The following KLHL29 variants were observed in gnomAD, a reference collection of about 807,000 sequenced individuals.
KLHL29 encodes kelch like family member 29.
KLHL29 carries 21 observed loss-of-function variants against 80.4 expected under a neutral mutation model. The observed-to-expected ratio is 0.26, with a 90% CI of 0.19 to 0.38. The LOEUF is 0.38. Ranked by LOEUF, KLHL29 falls within the 10% of genes least tolerant of loss-of-function variation. KLHL29 has a pLI of 1.00. For synonymous variants in KLHL29, 511 were observed against 526.8 expected (o/e 0.97, Z 0.41); for missense variants, 867 against 1,223.9 (o/e 0.71, Z 4.35).
At chr2:23,394,535 A>T (rs1666401592) in intron 1 of KLHL29, among the ~76,000 whole-genome samples, 1 of 152,218 alleles carries the variant, frequency 6.6e-6, no homozygotes, top group Non-Finnish European at 1.5e-5. Context: ...TGGGTGCCGG[A>T]TGGGTTACAG....
chr2:23,704,642 C>G (rs185506588), intron 13 of KLHL29, among the ~76,000 whole-genome samples: 25 of 152,316 alleles, frequency 1.6e-4, no homozygotes, highest in African/African-American at 5.8e-4. Context: ...TGGCATGTGC[C>G]TGTAATCCCA....
In KLHL29 at chr2:23,618,559, C is replaced by T. The variant is rs145849591; in HGVS notation, c.286-20580C>T. 9.2e-5 allele frequency among the ~76,000 whole-genome samples: 14 copies of T among 152,278 alleles called. No individual in the cohort carries two copies. In the East Asian group the frequency reaches 1.5e-3, roughly 17 times the overall value. On this transcript the variant is annotated intron_variant, in intron 3 of 13. Transcript: ENST00000486442. ...GCCTTTGGACTGGAACTGAAACATC[C>T]GCTCTTCTTGGGTCTCAAGCCTGCA...
chr2:23,646,542 C>G (rs1669938720), intron 5 of KLHL29, among the ~76,000 whole-genome samples: 1 of 152,210 alleles, frequency 6.6e-6, no homozygotes, highest in South Asian at 2.1e-4. Flanking sequence ...GGAAAGGTAT[C>G]TCTTCGGACT....
At position 23,411,379 on chromosome 2, in the gene KLHL29, TTGTGTGTGTGTGTGTGTG is replaced by T. The variant is rs56103621; in HGVS notation, c.-154+25628_-154+25645del. 3.0e-4 allele frequency among the ~76,000 whole-genome samples: 33 copies of T among 109,024 alleles called. No homozygotes were observed. In the East Asian group the frequency reaches 5.6e-3, roughly 19 times the overall value. 71.5% of individuals were successfully genotyped at this position (109,024 alleles called of 152,430 possible). ...ATATTGGGTATGTATGTTGCAAAAA[TTGTGTGTGTGTGTGTGTG>T]TGTGTGTGTGTGTGTGTGTGTGTGT... On this transcript the variant is annotated intron_variant, in intron 1 of 13. Transcript: ENST00000486442.
chr2:23,634,645 C>T (rs1402476461), intron 3 of KLHL29, among the ~76,000 whole-genome samples: 3 of 152,146 alleles, frequency 2.0e-5, no homozygotes, highest in Admixed American at 6.5e-5. Context: ...CCCAAGCATC[C>T]GGAGGGGCTA....
intron 1 of KLHL29, among the ~76,000 whole-genome samples, chr2:23,409,046 C>T (rs756022588): frequency 1.2e-4 from 19 of 152,222 alleles, no homozygotes; most frequent in Non-Finnish European, 1.9e-4. Flanking sequence ...TCTGGACACA[C>T]GTTCCCAGAC....
chr2:23,639,142 C>T lies in KLHL29; in HGVS notation c.289C>T (p.Pro97Ser), dbSNP rs999740674. ...SSASAVTTKAPGISKGDSQSQ... is the reference protein window; with the variant it reads ...SSASAVTTKASGISKGDSQSQ... The stretch of plus-strand genomic sequence containing the variant: ...CCTCCTCATCTGCTTCCCACAGGCT[C>T]CCGGCATCTCCAAAGGGGACAGTCA... Residue 97 changes from proline (P) to serine (S), a missense_variant, in exon 4 of 14, where the codon CCC becomes TCC. Physicochemically the swap from Pro to Ser is moderately conservative, Grantham distance 74. Around this residue, in one of 2 missense-constraint regions of KLHL29, gnomAD observed 424 missense variants for 456.9 expected, o/e 0.93. Transcript: ENST00000486442. The T allele has an allele frequency of 5.2e-6, 8 of 1,531,060 alleles. No homozygotes were observed. In the African/African-American group the frequency reaches 8.4e-5, roughly 16 times the overall value. 94.8% of individuals were successfully genotyped at this position (1,531,060 alleles called of 1,614,324 possible).
chr2:23,692,437 C>T (rs116056167), intron 7 of KLHL29, among the ~76,000 whole-genome samples: 3,294 of 152,290 alleles, frequency 0.022, 125 homozygotes, highest in African/African-American at 0.074. Context: ...GCATGGGCGA[C>T]GGCAAGGTGA....
rs1233930036 is a variant in KLHL29, at chr2:23,680,172, CAG to C, written c.941-4226_941-4225del. Among the ~76,000 whole-genome samples, 5 of 152,070 alleles carry C rather than the reference CAG, an allele frequency of 3.3e-5. No individual in the cohort carries two copies. The highest frequency in any genetic ancestry group is 7.4e-5 in the Non-Finnish European group (5 of 67,998). ...AAGTGAAAGATGAGGGCAGCTCACT[CAG>C]GGTGCTGGAGGGCCTAGGGCAGGAG... On this transcript the variant is annotated intron_variant, in intron 5 of 13. Coordinates refer to ENST00000486442, the MANE Select transcript of KLHL29 (RefSeq NM_052920.2). The surrounding 1 kb of genome is among the most constrained non-coding windows in gnomAD (Gnocchi z 4.1).
chr2:23,605,927 G>A (rs1668710001), intron 3 of KLHL29, among the ~76,000 whole-genome samples: 1 of 151,948 alleles, frequency 6.6e-6, no homozygotes, highest in Admixed American at 6.6e-5. Flanking sequence ...CCACCACCAC[G>A]CCCGGCTAAT....
chr2:23,480,996 A>G (rs1481938327), intron 2 of KLHL29, among the ~76,000 whole-genome samples: 1 of 152,180 alleles, frequency 6.6e-6, no homozygotes, highest in Admixed American at 6.5e-5. Context: ...GATCTCATGG[A>G]CCCACAAATC....
intron 2 of KLHL29, among the ~76,000 whole-genome samples, chr2:23,510,952 T>C (rs73919725): frequency 1.1e-4 from 17 of 152,328 alleles, no homozygotes; most frequent in African/African-American, 3.8e-4. Context: ...CAAAAAAATA[T>C]ATATTTGCAA....
At chr2:23,433,693 C>T (rs1390666886) in intron 1 of KLHL29, among the ~76,000 whole-genome samples, 1 of 152,052 alleles carries the variant, frequency 6.6e-6, no homozygotes, top group African/African-American at 2.4e-5. Context: ...GTAGGAGGAC[C>T]GCTTGAAGCC....
rs147757594 is a variant in KLHL29, at chr2:23,508,183, A to G, written c.-46+32516A>G. On this transcript the variant is annotated intron_variant, in intron 2 of 13. Transcript: ENST00000486442. ...CAACGCTGTTCCAGTCCTGTTGTGT[A>G]ACAAACCACCCCAAACCTGGAGGTG... Among the ~76,000 whole-genome samples, 97 of 152,334 alleles carry G rather than the reference A, an allele frequency of 6.4e-4. No homozygotes were observed. The East Asian group carries it at 0.015, about 24-fold the overall frequency.
intron 3 of KLHL29, among the ~76,000 whole-genome samples, chr2:23,623,899 G>A (rs1452750068): frequency 6.6e-6 from 1 of 152,208 alleles, no homozygotes; most frequent in African/African-American, 2.4e-5. Context: ...ACCAAGTTCT[G>A]GGTTTGGAGG....
intron 1 of KLHL29, among the ~76,000 whole-genome samples, chr2:23,403,498 C>A (rs1156990233): frequency 2.6e-5 from 4 of 152,152 alleles, no homozygotes; most frequent in Admixed American, 1.3e-4. Flanking sequence ...TTAAAGCAGG[C>A]TTCAAACCTT....
chr2:23,663,996 C>T (rs1670489050), intron 5 of KLHL29, among the ~76,000 whole-genome samples: 3 of 152,118 alleles, frequency 2.0e-5, no homozygotes, highest in South Asian at 4.2e-4. Flanking sequence ...GTTTCTTTTC[C>T]GAGTGGTTGG....
intron 2 of KLHL29, among the ~76,000 whole-genome samples, chr2:23,530,962 C>T (rs1376520796): frequency 6.6e-6 from 1 of 152,236 alleles, no homozygotes; most frequent in African/African-American, 2.4e-5. Flanking sequence ...CAGAGTCTCC[C>T]CAGAGTTGAA....
In KLHL29 at chr2:23,695,588, T is replaced by C. The variant is rs1453273741; in HGVS notation, c.1543-35T>C. 2 of 1,457,388 alleles carry C rather than the reference T, an allele frequency of 1.4e-6. No individual in the cohort carries two copies. Among genetic ancestry groups the C allele is most frequent in the Non-Finnish European group, 1.8e-6 (2 of 1,082,134 alleles). 90.3% of individuals were successfully genotyped at this position (1,457,388 alleles called of 1,614,324 possible). A position where few individuals can be genotyped will look rare whatever the true frequency, so the allele number is the denominator to read the frequency against. On this transcript the variant is annotated intron_variant, in intron 8 of 13. Transcript: ENST00000486442. The surrounding 1 kb of genome is among the most constrained non-coding windows in gnomAD (Gnocchi z 7.6). Reference sequence around the variant, plus strand: ...CGTCCGGGAGGTGGCTCTCTCTTGCTAGTCTAAGAAGATTCTGTCTCCTGT... The same window carrying C: ...CGTCCGGGAGGTGGCTCTCTCTTGCCAGTCTAAGAAGATTCTGTCTCCTGT...
Sources: gnomAD v4.1 joint callset for allele counts (sites outside exome capture counted in the v4.1 genomes callset) on GRCh38, gnomAD v4.1.1 for gene constraint, gnomAD v4.1.1 regional missense constraint, Gnocchi (gnomAD v3.1) non-coding constraint, MANE v1.5 for transcripts, NCBI Gene and HGNC (gene_info 2026-07-23, HGNC 2026-07-21) for gene names.